The following NAALADL2 variants were observed in gnomAD, a reference collection of about 807,000 sequenced individuals.
NAALADL2 encodes inactive N-acetylated-alpha-linked acidic dipeptidase-like protein 2.
In NAALADL2, 76 loss-of-function variants were observed where a neutral mutation model predicts 87.2. The ratio of observed to expected loss-of-function variants is 0.87; its 90% CI spans 0.72 to 1.05. The LOEUF (loss-of-function observed/expected upper bound fraction) is 1.05, where lower values mean the gene tolerates loss of function less well. Ranked by LOEUF, NAALADL2 falls within the 50% of genes least tolerant of loss-of-function variation. NAALADL2 has a pLI of 0.00. For synonymous variants in NAALADL2, 354 were observed against 331.0 expected (o/e 1.07, Z -0.75); for missense variants, 1,089 against 945.8 (o/e 1.15, Z -1.99).
chr3:175,783,148 C>T (rs1254272281), intron 13 of NAALADL2, among the ~76,000 whole-genome samples: 1 of 152,080 alleles, frequency 6.6e-6, no homozygotes, highest in East Asian at 1.9e-4. Context: ...GTGATGCCTC[C>T]AGCTTTGTTC....
chr3:175,324,033 AAAAAAAAAAAG>A lies in NAALADL2; in HGVS notation c.940-136_940-126del, dbSNP rs1487899166. 1.1e-5 allele frequency: 7 copies of A among 617,720 alleles called. No individual in the cohort carries two copies. The African/African-American group carries it at 1.5e-4, about 13-fold the overall frequency. 38.3% of individuals were successfully genotyped at this position (617,720 alleles called of 1,614,324 possible). A position where few individuals can be genotyped will look rare whatever the true frequency, so the allele number is the denominator to read the frequency against. On this transcript the variant is annotated intron_variant, in intron 4 of 13. Transcript: ENST00000454872. ...ACTCCATCTCAAAAAACAAACAAAAAAAAAAAAAAAGAAAAAGAAAAAGAAAAAGAAAAAAA... is the reference window on the plus strand; with the variant it reads ...ACTCCATCTCAAAAAACAAACAAAAAAAAAAGAAAAAGAAAAAGAAAAAAA...
intron 13 of NAALADL2, among the ~76,000 whole-genome samples, chr3:175,757,784 G>A (rs1315910998): frequency 1.3e-5 from 2 of 151,976 alleles, no homozygotes; most frequent in African/African-American, 2.4e-5. Flanking sequence ...TTAAATAAAT[G>A]TAACGATGTT....
At chr3:175,697,254 A>T (rs80060586) in intron 11 of NAALADL2, among the ~76,000 whole-genome samples, 4,386 of 152,120 alleles carry the variant, frequency 0.029, 212 homozygotes, top group African/African-American at 0.1. Context: ...GAGCAGTAGA[A>T]TACTAATAGA....
intron 2 of NAALADL2, among the ~76,000 whole-genome samples, chr3:175,156,391 G>T (rs1344741215): frequency 1.3e-5 from 2 of 150,016 alleles, no homozygotes; most frequent in Non-Finnish European, 3.0e-5. Flanking sequence ...ATTATTCAAA[G>T]ATGAAATATG....
In NAALADL2 at chr3:175,366,204, C is replaced by A. The variant is rs899018385; in HGVS notation, c.1090+41879C>A. ...CATATGAACTCATCATTATTTATGG[C>A]TGCATAGTATTCCATGGTGTATATG... is the stretch of plus-strand genomic sequence containing the variant. On this transcript the variant is annotated intron_variant, in intron 5 of 13. Transcript: ENST00000454872. 1.4e-5 allele frequency among the ~76,000 whole-genome samples: 2 copies of A among 147,542 alleles called. 1 individual carries two copies. The highest frequency in any genetic ancestry group is 3.0e-5 in the Non-Finnish European group (2 of 66,550).
intron 5 of NAALADL2, among the ~76,000 whole-genome samples, chr3:175,445,748 T>TA (rs1464293121): frequency 6.6e-6 from 1 of 152,236 alleles, no homozygotes. Context: ...CCCTTTAAGC[T>TA]AATAATTGTC....
intron 9 of NAALADL2, among the ~76,000 whole-genome samples, chr3:175,534,436 G>C (rs530826724): frequency 1.3e-5 from 2 of 152,160 alleles, no homozygotes. Flanking sequence ...GCAGAAAGAG[G>C]TAGTCTGGGA....
chr3:175,254,572 C>T (rs777956134), intron 3 of NAALADL2, among the ~76,000 whole-genome samples: 21 of 152,102 alleles, frequency 1.4e-4, no homozygotes, highest in Non-Finnish European at 3.1e-4. Context: ...ACCTCTGCTA[C>T]ATATAAAAAA....
intron 11 of NAALADL2, among the ~76,000 whole-genome samples, chr3:175,637,739 A>G (rs546254447): frequency 1.3e-5 from 2 of 152,310 alleles, no homozygotes; most frequent in South Asian, 2.1e-4. Context: ...GGCAAGCCAA[A>G]TAAATAGTAT....
Position 175,344,449 on chromosome 3 carries a change from A to T in NAALADL2, c.1090+20124A>T, listed in dbSNP as rs367932393. ...CTGATCAAGTATGCCTAGTGCCCAG[A>T]GTAACTCCATAGATGGGGATGCAAG... is the stretch of plus-strand genomic sequence containing the variant. On this transcript the variant is annotated intron_variant, in intron 5 of 13. Coordinates refer to ENST00000454872, the MANE Select transcript of NAALADL2 (RefSeq NM_207015.3). Among the ~76,000 whole-genome samples the T allele has an allele frequency of 2.6e-5, 4 of 151,236 alleles. No individual in the cohort carries two copies. In the East Asian group the frequency reaches 7.8e-4, roughly 29 times the overall value.
chr3:175,423,026 A>AT (rs1474492764), intron 5 of NAALADL2, among the ~76,000 whole-genome samples: 1 of 92,060 alleles, frequency 1.1e-5, no homozygotes, highest in Non-Finnish European at 2.0e-5. Flanking sequence ...AAGAAAAAAA[A>AT]AAATATATAT....
chr3:174,855,499 T>C (rs977792801), upstream of NAALADL2, among the ~76,000 whole-genome samples: 1 of 152,278 alleles, frequency 6.6e-6, no homozygotes, highest in Admixed American at 6.5e-5. Context: ...TGTTTTGCTC[T>C]TGCAGTTAAA....
chr3:174,563,496 A>G (rs1014427786), intron 2 of NAALADL2, among the ~76,000 whole-genome samples: 2 of 151,734 alleles, frequency 1.3e-5, no homozygotes, highest in Non-Finnish European at 2.9e-5. Flanking sequence ...TATTTGGATT[A>G]ATTTATTCAG....
rs1299433721 is a variant in NAALADL2, at chr3:175,369,371, C to T, written c.1090+45046C>T. ...TACATATACATGTTACATTTACATA[C>T]ACCTGATATGTGCATGTATACATAT... On this transcript the variant is annotated intron_variant, in intron 5 of 13. Transcript: ENST00000454872. 2.0e-5 allele frequency among the ~76,000 whole-genome samples: 3 copies of T among 150,240 alleles called. No individual in the cohort carries two copies. In the East Asian group the frequency reaches 5.9e-4, roughly 29 times the overall value.
At chr3:175,716,974 A>C (rs1741386836) in intron 11 of NAALADL2, among the ~76,000 whole-genome samples, 1 of 152,198 alleles carries the variant, frequency 6.6e-6, no homozygotes, top group Non-Finnish European at 1.5e-5. Context: ...GAAAGAATGA[A>C]TAATACCAAA....
intron 2 of NAALADL2, among the ~76,000 whole-genome samples, chr3:175,150,095 A>G (rs1003243862): frequency 1.3e-5 from 2 of 152,194 alleles, no homozygotes; most frequent in Admixed American, 6.6e-5. Flanking sequence ...TGTTTTCTCA[A>G]TTTTGCAGAT....
intron 6 of NAALADL2, among the ~76,000 whole-genome samples, chr3:175,459,708 T>C (rs1722828971): frequency 6.6e-6 from 1 of 152,096 alleles, no homozygotes; most frequent in African/African-American, 2.4e-5. Context: ...AATTCCACCA[T>C]CCCTGGGGAT....
chr3:174,968,929 C>T (rs988950159), intron 1 of NAALADL2, among the ~76,000 whole-genome samples: 22 of 152,172 alleles, frequency 1.4e-4, no homozygotes, highest in African/African-American at 5.1e-4. Context: ...TGAGGGCCTG[C>T]TAATGTGCCC....
At chr3:175,699,825 A>G (rs1738735866) in intron 11 of NAALADL2, among the ~76,000 whole-genome samples, 1 of 152,112 alleles carries the variant, frequency 6.6e-6, no homozygotes, top group South Asian at 2.1e-4. Context: ...GTCCTCTTAA[A>G]TAATTGATAA....
Sources: allele counts gnomAD v4.1 joint callset (sites outside exome capture counted in the v4.1 genomes callset), GRCh38; gene constraint gnomAD v4.1.1; transcripts MANE v1.5; gene names NCBI Gene and HGNC (gene_info 2026-07-23, HGNC 2026-07-21).